Variants in RFX6 observed in about 807,000 individuals in gnomAD.
RFX6 encodes the protein regulatory factor X6, also known as DNA-binding protein RFX6.
RFX6 carries 50 observed loss-of-function variants against 110.8 expected under a neutral mutation model. The observed-to-expected ratio is 0.45, with a 90% confidence interval of 0.36 to 0.57. The LOEUF is 0.57. Among genes scored for constraint, RFX6 ranks in the 20% least tolerant of loss-of-function variants. RFX6 has a pLI of 0.00. For synonymous variants in RFX6, 383 were observed against 411.2 expected, an observed-to-expected ratio of 0.93 and a Z score of 0.83; for missense variants, 990 against 1,127.0, an observed-to-expected ratio of 0.88 and a Z score of 1.74.
intron 13 of RFX6, 102 bp downstream of exon 13, chr6:116,922,253 T>G: frequency 1.4e-6 from 1 of 735,182 alleles, no homozygotes; most frequent in South Asian, 1.4e-5. Flanking sequence ...GAAGGCTGTG[T>G]GTGTAAAGGC....
intron 3 of RFX6, among the ~76,000 whole-genome samples, chr6:116,881,066 T>G (rs1412677530): frequency 6.6e-6 from 1 of 152,070 alleles, no homozygotes; most frequent in Non-Finnish European, 1.5e-5. Flanking sequence ...TTTAATAGGT[T>G]TTAAAATGTA....
rs59264999 is a variant in RFX6 at position 116,909,735 on chromosome 6, C to CTT, written c.673-1172_673-1171dup. ...TTTTAAATATAAAGCTCATTTAAAT[C>CTT]TTTTTTTTTTTTTTTTTTTTTTTTT... On this transcript the variant is annotated intron_variant, in intron 6 of 18. Coordinates refer to ENST00000332958, the MANE Select transcript of RFX6 (RefSeq NM_173560.4). 5.6e-3 allele frequency among the ~76,000 whole-genome samples: 378 copies of CTT among 67,412 alleles called. 46 individuals are homozygous for CTT. The highest frequency in any genetic ancestry group is 7.8e-3 in the African/African-American group (129 of 16,524). 44.2% of individuals were successfully genotyped at this position (67,412 alleles called of 152,430 possible). A position where few individuals can be genotyped will look rare whatever the true frequency, so the allele number is the denominator to read the frequency against.
intron 4 of RFX6, among the ~76,000 whole-genome samples, chr6:116,892,603 A>C (rs1774856189): frequency 6.6e-6 from 1 of 152,172 alleles, no homozygotes; most frequent in Admixed American, 6.5e-5. Flanking sequence ...CAGTGAACAA[A>C]GGAGCCAGAG....
intron 2 of RFX6, among the ~76,000 whole-genome samples, chr6:116,878,756 C>A (rs1322847050): frequency 1.3e-5 from 2 of 151,638 alleles, no homozygotes; most frequent in South Asian, 4.2e-4. Flanking sequence ...AGTTACATAA[C>A]CTAATTTTGT....
Position 116,877,268 on chromosome 6 carries a change from C to T in RFX6, c.-8C>T, listed in dbSNP as rs1448798823. On this transcript the variant is annotated 5_prime_UTR_variant, in exon 1 of 19. Coordinates refer to ENST00000332958, the MANE Select transcript of RFX6 (RefSeq NM_173560.4). ...CGGCGCGCGCGGAGGTGTCCGGCGG[C>T]CAGGAGGATGGCCAAGGTCCCGGAG... The T allele has an allele frequency of 1.2e-6, 2 of 1,604,182 alleles. No individual in the cohort carries two copies. The highest frequency in any genetic ancestry group is 2.2e-5 in the South Asian group (2 of 90,022).
At chr6:116,923,061 C>T (rs1775635561) in intron 13 of RFX6, 46 bp from the exon 14 acceptor site, 1 of 975,286 alleles carries the variant, frequency 1.0e-6, no homozygotes, top group African/African-American at 1.6e-5. Context: ...GCATGTAGTA[C>T]TGAGAGGACG....
intron 4 of RFX6, among the ~76,000 whole-genome samples, chr6:116,882,770 A>G (rs1320935550): frequency 2.0e-5 from 3 of 152,094 alleles, no homozygotes; most frequent in Non-Finnish European, 4.4e-5. Context: ...AAGAGCTTTG[A>G]GTAGGAAGGA....
At chr6:116,884,940 A>AAAAATT (rs1283944164) in intron 4 of RFX6, 7 of 152,004 alleles carry the variant, frequency 4.6e-5, no homozygotes, top group Admixed American at 6.6e-5. Flanking sequence ...TATCATAGAG[A>AAAAATT]AAAATTAATT....
chr6:116,911,820 TAGAGGAATATGA>T (rs1775358299), intron 7 of RFX6, among the ~76,000 whole-genome samples: 1 of 152,166 alleles, frequency 6.6e-6, no homozygotes, highest in African/African-American at 2.4e-5. Flanking sequence ...GGTACAAAGA[TAGAGGAATATGA>T]TTAATGTCCA....
rs339340 is a variant in RFX6 at position 116,893,951 on chromosome 6, T to C, written c.567-36T>C. The C allele has an allele frequency of 0.3, 380,773 of 1,252,860 alleles. 59,683 individuals are homozygous for C. The highest frequency in any genetic ancestry group is 0.38 in the South Asian group (31,569 of 83,740). 77.6% of individuals were successfully genotyped at this position (1,252,860 alleles called of 1,614,324 possible). A position where few individuals can be genotyped will look rare whatever the true frequency, so the allele number is the denominator to read the frequency against. ...TCTTTTTCCCCTCCAAAAATCTCCT[T>C]CACTAACACAGAGCTGGTTCCTGTC... On this transcript the variant is annotated intron_variant, in intron 4 of 18. Transcript: ENST00000332958.
chr6:116,922,979 T>C, intron 13 of RFX6, 128 bp from the exon 14 acceptor site: 1 of 739,588 alleles, frequency 1.4e-6, no homozygotes, highest in South Asian at 1.5e-5. Context: ...ATAGTTTTAT[T>C]TGATGAAATA....
chr6:116,931,648 ACAAC>A lies in RFX6; in HGVS notation c.*143_*146del. ...TGTTTTAAAGTCACTGGTACTATGG[ACAAC>A]TCCATAGTGAATGGAGATACTTGCA... On this transcript the variant is annotated 3_prime_UTR_variant, in exon 19 of 19. Coordinates refer to ENST00000332958, the MANE Select transcript of RFX6 (RefSeq NM_173560.4). The A allele has an allele frequency of 1.5e-6, 1 of 649,138 alleles. No individual in the cohort carries two copies. Among genetic ancestry groups the A allele is most frequent in the Non-Finnish European group, 2.7e-6 (1 of 371,500 alleles). 40.2% of individuals were successfully genotyped at this position (649,138 alleles called of 1,614,324 possible).
chr6:116,925,529 C>T lies in RFX6; in HGVS notation c.1755C>T (p.Ser585=). ...LANRNKGSMV[S]SDAVKNESHV... The stretch of plus-strand genomic sequence containing the variant: ...ACCGTAATAAAGGGAGCATGGTTTC[C>T]AGCGACGCTGTGAAGAATGAAAGCC... The change falls in exon 16 of 19, where the codon TCC becomes TCT. Residue 585 remains serine (S), a synonymous_variant. Transcript: ENST00000332958. The T allele has an allele frequency of 6.2e-7, 1 of 1,614,092 alleles. No individual in the cohort carries two copies.
rs767586101 is a variant in RFX6, at chr6:116,923,058, G to A, written c.1438-49G>A. 1.4e-5 allele frequency: 13 copies of A among 918,326 alleles called. No homozygotes were observed. In the South Asian group the frequency reaches 1.7e-4, roughly 12 times the overall value. 56.9% of individuals were successfully genotyped at this position (918,326 alleles called of 1,614,324 possible). On this transcript the variant is annotated intron_variant, in intron 13 of 18. Transcript: ENST00000332958. The stretch of plus-strand genomic sequence containing the variant: ...CTTGATCTAACACAGGATGCATGTA[G>A]TACTGAGAGGACGGATTTTATAGTT...
chr6:116,923,055 G>A lies in RFX6; in HGVS notation c.1438-52G>A, dbSNP rs199727518. ...CTTCTTGATCTAACACAGGATGCAT[G>A]TAGTACTGAGAGGACGGATTTTATA... On this transcript the variant is annotated intron_variant, in intron 13 of 18. Coordinates refer to ENST00000332958, the MANE Select transcript of RFX6 (RefSeq NM_173560.4). The A allele has an allele frequency of 5.2e-4, 460 of 882,748 alleles. 6 individuals are homozygous for A. Among genetic ancestry groups the A allele is most frequent in the South Asian group, 5.0e-3 (379 of 76,372 alleles). 54.7% of individuals were successfully genotyped at this position (882,748 alleles called of 1,614,324 possible).
At chr6:116,910,322 C>T (rs571179670) in intron 6 of RFX6, among the ~76,000 whole-genome samples, 1 of 152,218 alleles carries the variant, frequency 6.6e-6, no homozygotes, top group East Asian at 1.9e-4. Context: ...AGTTATTTGT[C>T]ACTTTTCTAA....
chr6:116,894,235 T>TTA (rs1774892867), intron 5 of RFX6, among the ~76,000 whole-genome samples, 171 bp downstream of exon 5: 1 of 152,144 alleles, frequency 6.6e-6, no homozygotes, highest in Non-Finnish European at 1.5e-5. Context: ...ACTGGGAAAA[T>TTA]TATATAACTT....
chr6:116,911,234 T>C (rs2114688748), intron 7 of RFX6, among the ~76,000 whole-genome samples, 192 bp downstream of exon 7: 2 of 152,340 alleles, frequency 1.3e-5, no homozygotes, highest in Admixed American at 1.3e-4. Flanking sequence ...ACCATCTCCA[T>C]GATAGTGTGT....
intron 3 of RFX6, among the ~76,000 whole-genome samples, chr6:116,881,524 T>C (rs1227848266): frequency 6.6e-6 from 1 of 152,108 alleles, no homozygotes; most frequent in Admixed American, 6.5e-5. Flanking sequence ...TGTGATATTA[T>C]ACATTGTAAT....
Sources: allele counts gnomAD v4.1 joint callset (sites outside exome capture counted in the v4.1 genomes callset), GRCh38; gene constraint gnomAD v4.1.1; transcripts MANE v1.5; gene names NCBI Gene and HGNC (gene_info 2026-07-23, HGNC 2026-07-21).